ZNF804A: variants seen among roughly 807,000 people sequenced by gnomAD.
The protein encoded by ZNF804A is zinc finger protein 804A.
A neutral mutation model predicts 16.5 loss-of-function variants in ZNF804A; 2 were observed. The observed-to-expected ratio is 0.12, with a 90% CI of 0.05 to 0.38. The LOEUF (loss-of-function observed/expected upper bound fraction) is 0.38, where lower values mean the gene tolerates loss of function less well. ZNF804A is among the 10% of genes least tolerant of loss of function. The pLI, the probability that ZNF804A is intolerant of heterozygous loss-of-function variation, is 0.99. For synonymous variants in ZNF804A, 534 were observed against 489.6 expected (o/e 1.09, Z -1.20); for missense variants, 1,473 against 1,390.7 (o/e 1.06, Z -0.94).
At chr2:184,900,291 T>G (rs1050401343) in intron 2 of ZNF804A, among the ~76,000 whole-genome samples, 1 of 152,144 alleles carries the variant, frequency 6.6e-6, no homozygotes, top group African/African-American at 2.4e-5. Flanking sequence ...TGGGATATAT[T>G]TAGGTACAGT....
intron 1 of ZNF804A, among the ~76,000 whole-genome samples, chr2:184,751,488 T>G (rs1693877674): frequency 1.3e-5 from 2 of 151,454 alleles, no homozygotes; most frequent in Non-Finnish European, 1.5e-5. Flanking sequence ...ACCAAAGACA[T>G]AGGTATCGAA....
intron 2 of ZNF804A, among the ~76,000 whole-genome samples, chr2:184,922,480 T>C (rs1685544132): frequency 1.3e-5 from 2 of 152,130 alleles, no homozygotes; most frequent in Non-Finnish European, 2.9e-5. Flanking sequence ...TTTGAGCTCC[T>C]TTTATATTTT....
At chr2:184,810,493 T>G (rs1345544313) in intron 1 of ZNF804A, among the ~76,000 whole-genome samples, 1 of 133,892 alleles carries the variant, frequency 7.5e-6, no homozygotes, top group Non-Finnish European at 1.6e-5. Flanking sequence ...CCTTTTTTTT[T>G]TTTTTTTTTT....
intron 1 of ZNF804A, among the ~76,000 whole-genome samples, chr2:184,853,636 C>A (rs1695640190): frequency 6.6e-6 from 1 of 151,750 alleles, no homozygotes; most frequent in Non-Finnish European, 1.5e-5. Flanking sequence ...TTTTTTTCTG[C>A]ATCTATTGAA....
intron 1 of ZNF804A, among the ~76,000 whole-genome samples, chr2:184,823,664 A>G (rs1695118654): frequency 1.3e-5 from 2 of 152,116 alleles, no homozygotes; most frequent in African/African-American, 2.4e-5. Context: ...GGGAAAAAGG[A>G]GGGAAACATG....
intron 1 of ZNF804A, among the ~76,000 whole-genome samples, chr2:184,783,146 T>TTTG (rs1558960334): frequency 7.5e-6 from 1 of 132,960 alleles, no homozygotes; most frequent in Non-Finnish European, 1.6e-5. Flanking sequence ...GAGTTTTTTT[T>TTTG]TTTTTTTTTT....
chr2:184,656,281 C>T (rs181335539), intron 1 of ZNF804A, among the ~76,000 whole-genome samples: 16 of 152,048 alleles, frequency 1.1e-4, no homozygotes, highest in East Asian at 1.9e-4. Flanking sequence ...ACAGTATGCA[C>T]GCAATATTGC....
At chr2:184,757,747 C>T (rs920970489) in intron 1 of ZNF804A, among the ~76,000 whole-genome samples, 1 of 151,968 alleles carries the variant, frequency 6.6e-6, no homozygotes. Context: ...GGATGCTGTA[C>T]TTATTCTTTC....
chr2:184,830,290 G>T (rs1264795500), intron 1 of ZNF804A, among the ~76,000 whole-genome samples: 28 of 152,128 alleles, frequency 1.8e-4, no homozygotes. Flanking sequence ...TAAATGGACA[G>T]AAATACACCT....
rs143148348 is a variant in ZNF804A at position 184,768,234 on chromosome 2, G to T, written c.112-98135G>T. 3.8e-3 allele frequency among the ~76,000 whole-genome samples: 571 copies of T among 152,192 alleles called. 4 individuals carry two copies. The highest frequency in any genetic ancestry group is 0.013 in the African/African-American group (541 of 41,552). On this transcript the variant is annotated intron_variant, in intron 1 of 3. Coordinates refer to ENST00000302277, the MANE Select transcript of ZNF804A (RefSeq NM_194250.2). The stretch of plus-strand genomic sequence containing the variant: ...ATACTGAAAGTGTATTGGGGGATGT[G>T]CATAGAGTGTATGCAAATACCATGC...
chr2:184,804,610 T>C (rs1388827909), intron 1 of ZNF804A, among the ~76,000 whole-genome samples: 2 of 152,132 alleles, frequency 1.3e-5, no homozygotes, highest in Non-Finnish European at 2.9e-5. Flanking sequence ...AGAAACTAGA[T>C]AATGCAGAGA....
intron 1 of ZNF804A, among the ~76,000 whole-genome samples, chr2:184,685,917 G>A (rs1692621465): frequency 6.6e-6 from 1 of 152,222 alleles, no homozygotes; most frequent in African/African-American, 2.4e-5. Flanking sequence ...CTGCAGGCCT[G>A]TGCCAAGCTG....
intron 2 of ZNF804A, among the ~76,000 whole-genome samples, chr2:184,892,099 C>T (rs1684994000): frequency 6.6e-6 from 1 of 152,004 alleles, no homozygotes; most frequent in Non-Finnish European, 1.5e-5. Flanking sequence ...CCTTACTTCT[C>T]TTCATCAATG....
In ZNF804A at chr2:184,625,648, G is replaced by A. The variant is rs188097362; in HGVS notation, c.111+26578G>A. 2.2e-4 allele frequency among the ~76,000 whole-genome samples: 33 copies of A among 152,258 alleles called. No homozygotes were observed. The East Asian group carries it at 6.4e-3, about 29-fold the overall frequency. Reference sequence around the variant, plus strand: ...GTTTGAGGCTATTTTACCTTTTATAGTATAAAGCAGAGTGGGATGGATTAT... The same window carrying A: ...GTTTGAGGCTATTTTACCTTTTATAATATAAAGCAGAGTGGGATGGATTAT... On this transcript the variant is annotated intron_variant, in intron 1 of 3. Transcript: ENST00000302277.
chr2:184,626,118 T>C (rs1179896726), intron 1 of ZNF804A, among the ~76,000 whole-genome samples: 1 of 152,142 alleles, frequency 6.6e-6, no homozygotes, highest in Non-Finnish European at 1.5e-5. Flanking sequence ...TCCACACACC[T>C]CGGCCTCCCA....
At chr2:184,677,031 A>G (rs1238426535) in intron 1 of ZNF804A, among the ~76,000 whole-genome samples, 1 of 151,830 alleles carries the variant, frequency 6.6e-6, no homozygotes, top group Non-Finnish European at 1.5e-5. Flanking sequence ...TGAACTTTTC[A>G]AGAACATTGT....
In ZNF804A at chr2:184,604,158, T is replaced by C. The variant is rs1360603335; in HGVS notation, c.111+5088T>C. ...ATGACTGCAATTACTTTTTTTTTTT[T>C]TTTTTTTTTTTTTTTTTTTTTTTTT... On this transcript the variant is annotated intron_variant, in intron 1 of 3. Transcript: ENST00000302277. 1.0e-4 allele frequency among the ~76,000 whole-genome samples: 6 copies of C among 58,432 alleles called. No individual in the cohort carries two copies. In the Admixed American group the frequency reaches 1.1e-3, roughly 11 times the overall value. The allele number at this position is 58,432 out of a possible 152,430, so 38.3% of individuals were successfully genotyped here. A position where few individuals can be genotyped will look rare whatever the true frequency, so the allele number is the denominator to read the frequency against.
At chr2:184,698,610 A>ATT (rs1300665312) in intron 1 of ZNF804A, among the ~76,000 whole-genome samples, 1 of 152,060 alleles carries the variant, frequency 6.6e-6, no homozygotes, top group African/African-American at 2.4e-5. Flanking sequence ...AACTGGCTTA[A>ATT]TCAGAGAGGG....
chr2:184,673,717 A>G (rs960823409), intron 1 of ZNF804A, among the ~76,000 whole-genome samples: 2 of 152,168 alleles, frequency 1.3e-5, no homozygotes, highest in African/African-American at 4.8e-5. Flanking sequence ...ATGTTTTACT[A>G]CCATTAAAAT....
Sources: gnomAD v4.1 joint callset for allele counts (sites outside exome capture counted in the v4.1 genomes callset) on GRCh38, gnomAD v4.1.1 for gene constraint, MANE v1.5 for transcripts, NCBI Gene and HGNC (gene_info 2026-07-23, HGNC 2026-07-21) for gene names.